RMST: variants seen among roughly 807,000 people sequenced by gnomAD.
The protein encoded by RMST is rhabdomyosarcoma 2 associated transcript.
chr12:97,493,152 G>A (rs748859731), intron 6 of RMST: 4 of 152,518 alleles, frequency 2.6e-5, no homozygotes, highest in Admixed American at 6.6e-5. Context: ...GAAACTACAC[G>A]ATTTTTGTTG....
In RMST at chr12:97,504,710, G is replaced by T. The variant is rs11109068; in HGVS notation, n.1340+8654G>T. On this transcript the variant is annotated intron_variant and non_coding_transcript_variant, in intron 10 of 13. Coordinates refer to ENST00000640149, the Ensembl canonical transcript of RMST. ...AGGAGTCCTTAGAAAAATTAGATTTGCCTGAAGGGGTCACTTACATTTATT... is the reference window on the plus strand; with the variant it reads ...AGGAGTCCTTAGAAAAATTAGATTTTCCTGAAGGGGTCACTTACATTTATT... Among the ~76,000 whole-genome samples the T allele has an allele frequency of 1.0e-3, 157 of 152,248 alleles. 1 individual carries two copies. The highest frequency in any genetic ancestry group is 1.8e-3 in the Non-Finnish European group (124 of 67,998).
intron 10 of RMST, among the ~76,000 whole-genome samples, chr12:97,526,266 A>G (rs932835151): frequency 2.0e-5 from 3 of 152,100 alleles, no homozygotes; most frequent in Non-Finnish European, 4.4e-5. Context: ...GACAGCTATA[A>G]TATACAATAC....
intron 3 of RMST, chr12:97,463,017 G>GTCTCTGTCTCTC (rs1872741379): frequency 7.7e-6 from 1 of 129,898 alleles, no homozygotes; most frequent in African/African-American, 2.8e-5. Context: ...CAAGTCAGCA[G>GTCTCTGTCTCTC]TCTCTCTCTC....
At chr12:97,549,642 T>A (rs1883178486) in intron 11 of RMST, among the ~76,000 whole-genome samples, 1 of 152,234 alleles carries the variant, frequency 6.6e-6, no homozygotes. Context: ...GTCAAAACTT[T>A]CTCAGCAACA....
intron 5 of RMST, among the ~76,000 whole-genome samples, chr12:97,467,538 T>A (rs1873342324): frequency 6.6e-6 from 1 of 152,128 alleles, no homozygotes; most frequent in East Asian, 1.9e-4. Context: ...ATTAGTGTAA[T>A]TTTTTAGAGA....
chr12:97,530,902 A>G (rs1881555372), intron 11 of RMST: 1 of 151,914 alleles, frequency 6.6e-6, no homozygotes, highest in Non-Finnish European at 1.5e-5. Flanking sequence ...TTTCTTATTA[A>G]GATTTTTGTT....
Position 97,475,632 on chromosome 12 carries a change from A to G in RMST, n.644+9905A>G, listed in dbSNP as rs559798630. The stretch of plus-strand genomic sequence containing the variant: ...CCCACATGTCAGGCATCATTTTCAC[A>G]TGGACTAAAGGCAAACATTATGATC... On this transcript the variant is annotated intron_variant and non_coding_transcript_variant, in intron 5 of 13. Transcript: ENST00000640149. Among the ~76,000 whole-genome samples the G allele has an allele frequency of 6.7e-5, 10 of 148,588 alleles. No individual in the cohort carries two copies. In the East Asian group the frequency reaches 2.0e-3, roughly 29 times the overall value.
chr12:97,509,408 T>C (rs1454633338), intron 10 of RMST, among the ~76,000 whole-genome samples: 2 of 152,226 alleles, frequency 1.3e-5, no homozygotes, highest in East Asian at 3.8e-4. Context: ...CAGGCCAGGT[T>C]CTGCCCTCAG....
At chr12:97,481,569 G>C (rs571411695) in intron 5 of RMST, among the ~76,000 whole-genome samples, 7 of 151,672 alleles carry the variant, frequency 4.6e-5, no homozygotes, top group African/African-American at 1.7e-4. Context: ...GAGCTTTGCT[G>C]TCCCCAAAAA....
intron 11 of RMST, among the ~76,000 whole-genome samples, chr12:97,555,077 A>G (rs1883604344): frequency 1.3e-5 from 2 of 152,206 alleles, no homozygotes. Context: ...CAGGGTTGGA[A>G]TGGGTCATCC....
intron 5 of RMST, among the ~76,000 whole-genome samples, chr12:97,477,355 G>C (rs1347408470): frequency 3.3e-5 from 5 of 152,110 alleles, no homozygotes; most frequent in Non-Finnish European, 7.4e-5. Context: ...GCCATGGAAA[G>C]GCAGATGAAG....
At chr12:97,496,399 G>GT (rs147259253) in intron 10 of RMST, among the ~76,000 whole-genome samples, 1,965 of 150,714 alleles carry the variant, frequency 0.013, 53 homozygotes, top group African/African-American at 0.046. Context: ...AATATCTGGG[G>GT]TAAAAAAAAT....
intron 10 of RMST, among the ~76,000 whole-genome samples, chr12:97,518,787 A>G (rs1006962661): frequency 3.3e-5 from 5 of 152,174 alleles, no homozygotes; most frequent in Admixed American, 1.3e-4. Context: ...CATTTTTTAG[A>G]AAAAAGGTCT....
intron 13 of RMST, among the ~76,000 whole-genome samples, chr12:97,562,251 A>G (rs1884172269): frequency 1.3e-5 from 2 of 152,220 alleles, no homozygotes; most frequent in Non-Finnish European, 2.9e-5. Context: ...CTTCCCATGT[A>G]TCCACATTCT....
chr12:97,553,623 C>T (rs1883467655), intron 11 of RMST, among the ~76,000 whole-genome samples: 1 of 152,134 alleles, frequency 6.6e-6, no homozygotes, highest in South Asian at 2.1e-4. Flanking sequence ...AACTCAACTT[C>T]AGAAATGCTG....
intron 5 of RMST, among the ~76,000 whole-genome samples, chr12:97,488,780 C>T (rs910071453): frequency 6.6e-6 from 1 of 152,126 alleles, no homozygotes; most frequent in Non-Finnish European, 1.5e-5. Flanking sequence ...TAGCACTTAC[C>T]CAGTAGCTCC....
intron 10 of RMST, among the ~76,000 whole-genome samples, chr12:97,510,027 A>G (rs1014838988): frequency 6.6e-6 from 1 of 152,240 alleles, no homozygotes; most frequent in Non-Finnish European, 1.5e-5. Flanking sequence ...AGGGTGGTCA[A>G]TAAAAGACTG....
At chr12:97,512,856 C>T (rs1271939698) in intron 10 of RMST, among the ~76,000 whole-genome samples, 3 of 152,172 alleles carry the variant, frequency 2.0e-5, no homozygotes, top group Non-Finnish European at 2.9e-5. Flanking sequence ...CGGGGAGGCT[C>T]CGGGCTGCAC....
At chr12:97,491,845 G>A in intron 5 of RMST, 1 of 481,438 alleles carries the variant, frequency 2.1e-6, no homozygotes, top group South Asian at 1.5e-5. Flanking sequence ...CAAATGTTCA[G>A]TAATTTCATT....
Sources: allele counts gnomAD v4.1 joint callset (sites outside exome capture counted in the v4.1 genomes callset), GRCh38; gene constraint gnomAD v4.1.1; transcripts MANE v1.5; gene names NCBI Gene and HGNC (gene_info 2026-07-23, HGNC 2026-07-21).